The following GPHN variants were observed in gnomAD, a reference collection of about 807,000 sequenced individuals.
GPHN encodes the protein gephyrin.
GPHN carries 17 observed loss-of-function variants against 95.5 expected under a neutral mutation model. The observed-to-expected ratio is 0.18, with a 90% CI of 0.12 to 0.27. The LOEUF (loss-of-function observed/expected upper bound fraction) is 0.27. Ranked by LOEUF, GPHN falls within the 10% of genes least tolerant of loss-of-function variation. The probability of loss-of-function intolerance (pLI) is 1.00; values close to 1 mark genes in which losing one functional copy is unlikely to be tolerated. For synonymous variants in GPHN, 320 were observed against 322.5 expected, an observed-to-expected ratio of 0.99 and a Z score of 0.08; for missense variants, 660 against 978.1, an observed-to-expected ratio of 0.67 and a Z score of 4.34.
At chr14:67,500,311 TA>T in the GPHN span, among the ~76,000 whole-genome samples, 5 of 151,904 alleles carry the variant, frequency 3.3e-5, no homozygotes, top group African/African-American at 4.8e-5. Context: ...TTGTCTCTAC[TA>T]AAAATACAAA....
intron 5 of GPHN, among the ~76,000 whole-genome samples, chr14:66,895,177 C>T (rs996974539): frequency 2.6e-5 from 4 of 152,286 alleles, no homozygotes; most frequent in Admixed American, 2.6e-4. Context: ...ACCATGCAGC[C>T]ATAAGAAAGG....
At chr14:67,055,236 C>T (rs1395503700) in intron 10 of GPHN, among the ~76,000 whole-genome samples, 1 of 151,760 alleles carries the variant, frequency 6.6e-6, no homozygotes, top group Admixed American at 6.6e-5. Context: ...AAAAAATAAC[C>T]CCATTTAAAA....
chr14:66,941,833 C>T (rs539867370), intron 8 of GPHN, among the ~76,000 whole-genome samples: 1 of 152,286 alleles, frequency 6.6e-6, no homozygotes, highest in African/African-American at 2.4e-5. Flanking sequence ...GAGAGAAACA[C>T]ACGTTCTCCA....
chr14:67,181,204 A>G lies in GPHN; in HGVS notation c.*267A>G. The G allele has an allele frequency of 1.9e-6, 1 of 513,218 alleles. No individual in the cohort carries two copies. 31.8% of individuals were successfully genotyped at this position (513,218 alleles called of 1,614,324 possible). On this transcript the variant is annotated 3_prime_UTR_variant, in exon 23 of 23. Transcript: ENST00000478722. Reference sequence around the variant, plus strand: ...CTTTGTGTGTTCAATGCTAGGTCTGATAGCGATAGCTTTTAGTAGACAGCG... The same window carrying G: ...CTTTGTGTGTTCAATGCTAGGTCTGGTAGCGATAGCTTTTAGTAGACAGCG...
At chr14:67,726,556 G>A in the GPHN span, among the ~76,000 whole-genome samples, 61 of 152,158 alleles carry the variant, frequency 4.0e-4, no homozygotes, top group Non-Finnish European at 5.0e-4. Context: ...ACTTGAGTAC[G>A]AGGCAGGGTG....
At chr14:67,251,139 G>C in the GPHN span, among the ~76,000 whole-genome samples, 2 of 152,138 alleles carry the variant, frequency 1.3e-5, no homozygotes, top group African/African-American at 4.8e-5. Context: ...TTTCTGCTTT[G>C]TCTGTAATAT....
intron 1 of GPHN, among the ~76,000 whole-genome samples, chr14:66,574,687 T>G (rs1464527160): frequency 1.3e-5 from 2 of 152,206 alleles, no homozygotes; most frequent in Non-Finnish European, 2.9e-5. Flanking sequence ...AAGATTTGTT[T>G]GTGTGTCTGA....
chr14:67,663,778 T>C, the GPHN span, among the ~76,000 whole-genome samples: 1 of 152,166 alleles, frequency 6.6e-6, no homozygotes, highest in Admixed American at 6.5e-5. Context: ...CTGGTAAACA[T>C]TTGTATGGGG....
At chr14:66,840,734 T>TAAAA (rs1204415812) in intron 4 of GPHN, among the ~76,000 whole-genome samples, 3 of 69,534 alleles carry the variant, frequency 4.3e-5, no homozygotes, top group African/African-American at 7.7e-5. Context: ...GTGCAGGCCA[T>TAAAA]ACAAAAAAAA....
the GPHN span, among the ~76,000 whole-genome samples, chr14:67,658,215 A>G: frequency 6.6e-6 from 1 of 152,232 alleles, no homozygotes; most frequent in Non-Finnish European, 1.5e-5. Flanking sequence ...ATGACTAAGA[A>G]AAGATCAGAT....
chr14:67,439,177 C>T, the GPHN span, among the ~76,000 whole-genome samples: 3 of 152,162 alleles, frequency 2.0e-5, no homozygotes, highest in Non-Finnish European at 4.4e-5. Flanking sequence ...TCAGTGTCCC[C>T]GTCTGTGAAA....
At chr14:66,888,895 G>A (rs1346044475) in intron 5 of GPHN, among the ~76,000 whole-genome samples, 1 of 152,022 alleles carries the variant, frequency 6.6e-6, no homozygotes, top group African/African-American at 2.4e-5. Flanking sequence ...GAAAAAGATA[G>A]TCAGGCAAAT....
chr14:67,007,927 C>G (rs1567206169), intron 9 of GPHN, among the ~76,000 whole-genome samples: 1 of 151,988 alleles, frequency 6.6e-6, no homozygotes, highest in Non-Finnish European at 1.5e-5. Context: ...TTTTTCATTC[C>G]TTTTTTACTT....
the GPHN span, among the ~76,000 whole-genome samples, chr14:67,230,903 T>C: frequency 1.3e-5 from 2 of 152,250 alleles, no homozygotes; most frequent in Non-Finnish European, 1.5e-5. Flanking sequence ...TTAAATTGCA[T>C]GCGATTCTAA....
chr14:67,498,963 C>A, the GPHN span, among the ~76,000 whole-genome samples: 1 of 104,714 alleles, frequency 9.5e-6, no homozygotes, highest in Non-Finnish European at 2.2e-5. Context: ...GCCACTGAGC[C>A]CAGACAAGGC....
At chr14:66,523,810 G>C (rs183487839) in intron 1 of GPHN, among the ~76,000 whole-genome samples, 2 of 152,194 alleles carry the variant, frequency 1.3e-5, no homozygotes, top group African/African-American at 4.8e-5. Context: ...GGCAACAGAA[G>C]CAACCTGTAC....
At chr14:67,589,607 T>C in the GPHN span, 4 of 986,130 alleles carry the variant, frequency 4.1e-6, no homozygotes, top group South Asian at 4.7e-5. Context: ...AGGCACTAGG[T>C]TGACAGACTC....
chr14:66,748,871 G>A (rs1277324296), intron 2 of GPHN, among the ~76,000 whole-genome samples: 3 of 151,944 alleles, frequency 2.0e-5, no homozygotes, highest in Non-Finnish European at 4.4e-5. Flanking sequence ...TTTTCCACTT[G>A]TAGTGTCATG....
At chr14:66,711,900 T>C (rs1247051956) in intron 2 of GPHN, among the ~76,000 whole-genome samples, 1 of 152,130 alleles carries the variant, frequency 6.6e-6, no homozygotes, top group Non-Finnish European at 1.5e-5. Context: ...TTCATCCATG[T>C]CCCTGCAAAG....
Sources: gnomAD v4.1 joint callset for allele counts (sites outside exome capture counted in the v4.1 genomes callset) on GRCh38, gnomAD v4.1.1 for gene constraint, MANE v1.5 for transcripts, NCBI Gene and HGNC (gene_info 2026-07-23, HGNC 2026-07-21) for gene names.